The following CD55 variants were observed in gnomAD, a reference collection of about 807,000 sequenced individuals.
CD55 encodes complement decay-accelerating factor.
Under a neutral mutation model 45.8 loss-of-function variants are expected in CD55, and 41 were observed. The observed-to-expected ratio is 0.90, with a 90% CI of 0.70 to 1.16. The LOEUF is 1.16. CD55 is among the 50% of genes most tolerant of loss of function. The pLI, the probability that CD55 is intolerant of heterozygous loss-of-function variation, is 0.00. For synonymous variants in CD55, 181 were observed against 181.1 expected (o/e 1.00, Z 0.01); for missense variants, 416 against 469.8 (o/e 0.89, Z 1.06).
intron 9 of CD55, among the ~76,000 whole-genome samples, chr1:207,354,456 C>T (rs1470711532): frequency 1.3e-5 from 2 of 152,188 alleles, no homozygotes; most frequent in Non-Finnish European, 2.9e-5. Context: ...TTCAACACTG[C>T]AATACAGTTC....
rs1484285051 is a variant in CD55, at chr1:207,322,441, A to G, written c.160A>G (p.Ser54Gly). ...NAQPALEGRT[S>G]FPEDTVITYK... ...CCAGCCAGCTTTGGAAGGCCGTACA[A>G]GTTTTCCCGAGGATACTGTAATAAC... Residue 54 changes from serine (S) to glycine (G), a missense_variant, in exon 2 of 10, where the codon AGT becomes GGT. By Grantham distance (56) the Ser-to-Gly change is moderately conservative. Around this residue, in one of 3 missense-constraint regions of CD55, gnomAD observed 123 missense variants for 105.1 expected, o/e 1.17. Coordinates refer to ENST00000367064, the MANE Select transcript of CD55 (RefSeq NM_000574.5). The G allele has an allele frequency of 1.2e-6, 2 of 1,614,232 alleles. No homozygotes were observed. The highest frequency in any genetic ancestry group is 2.2e-5 in the South Asian group (2 of 91,092).
intron 7 of CD55, chr1:207,337,084 C>T: frequency 1.7e-6 from 1 of 605,914 alleles, no homozygotes; most frequent in Non-Finnish European, 2.9e-6. Context: ...CCACCAAATC[C>T]CCAGCAGCAG....
intron 4 of CD55, 107 bp downstream of exon 4, chr1:207,325,828 T>A: frequency 1.6e-6 from 1 of 607,930 alleles, no homozygotes; most frequent in Non-Finnish European, 2.9e-6. Flanking sequence ...TAGTAGCAAT[T>A]AAAACAATCC....
At chr1:207,358,780 C>A (rs558365431) in intron 9 of CD55, among the ~76,000 whole-genome samples, 3 of 149,890 alleles carry the variant, frequency 2.0e-5, no homozygotes, top group Non-Finnish European at 4.4e-5. Flanking sequence ...TACATTGAAT[C>A]TCTCATTACT....
chr1:207,322,427 T>C lies in CD55; in HGVS notation c.146T>C (p.Leu49Ser), dbSNP rs1237129786. ...GATGTACCTAATGCCCAGCCAGCTT[T>C]GGAAGGCCGTACAAGTTTTCCCGAG... The part of the protein sequence containing the change: ...PPDVPNAQPA[L>S]EGRTSFPEDT... Residue 49 changes from leucine to serine, a missense_variant, in exon 2 of 10, where the codon TTG (leucine) becomes TCG (serine). Coordinates refer to ENST00000367064, the MANE Select transcript of CD55 (RefSeq NM_000574.5). 7 of 1,614,240 alleles carry C rather than the reference T, an allele frequency of 4.3e-6. No individual in the cohort carries two copies. Among genetic ancestry groups the C allele is most frequent in the Non-Finnish European group, 5.9e-6 (7 of 1,180,018 alleles).
At chr1:207,356,137 C>G (rs1480484280) in intron 9 of CD55, among the ~76,000 whole-genome samples, 1 of 152,116 alleles carries the variant, frequency 6.6e-6, no homozygotes, top group Admixed American at 6.6e-5. Flanking sequence ...TATCTTTTCC[C>G]CTTCAAGGAT....
chr1:207,342,451 C>T (rs1467447365), intron 9 of CD55, among the ~76,000 whole-genome samples: 1 of 152,020 alleles, frequency 6.6e-6, no homozygotes, highest in Non-Finnish European at 1.5e-5. Flanking sequence ...CATGTATGAC[C>T]TTTATGATGT....
chr1:207,338,580 T>G (rs535111868), intron 8 of CD55, among the ~76,000 whole-genome samples: 1 of 152,208 alleles, frequency 6.6e-6, no homozygotes, highest in South Asian at 2.1e-4. Flanking sequence ...GGGATCAAAT[T>G]TTACTCTTAG....
intron 5 of CD55, among the ~76,000 whole-genome samples, chr1:207,329,747 G>C (rs900166476): frequency 5.9e-5 from 9 of 152,036 alleles, no homozygotes; most frequent in African/African-American, 2.2e-4. Flanking sequence ...TTGTAGCTGG[G>C]ACTATAGGTG....
intron 9 of CD55, among the ~76,000 whole-genome samples, chr1:207,348,182 C>T (rs1436290998): frequency 1.3e-5 from 2 of 152,306 alleles, no homozygotes; most frequent in East Asian, 1.9e-4. Flanking sequence ...TACATTCCCA[C>T]CAGCAATGTA....
At chr1:207,340,380 T>A in intron 9 of CD55, 1 of 450,582 alleles carries the variant, frequency 2.2e-6, no homozygotes, top group South Asian at 4.5e-5. Flanking sequence ...TTTATTTTTT[T>A]TTTGAGACAG....
intron 5 of CD55, among the ~76,000 whole-genome samples, chr1:207,330,071 T>C (rs1397944970): frequency 6.6e-6 from 1 of 152,152 alleles, no homozygotes. Flanking sequence ...AGGAACTATA[T>C]CTTGTTCAGC....
intron 5 of CD55, among the ~76,000 whole-genome samples, chr1:207,329,397 C>T (rs1654839467): frequency 6.6e-6 from 1 of 152,150 alleles, no homozygotes; most frequent in East Asian, 1.9e-4. Flanking sequence ...ATGTTTCATC[C>T]ATATTTTACC....
chr1:207,341,503 A>AG (rs1327588822), intron 9 of CD55, among the ~76,000 whole-genome samples: 4 of 152,150 alleles, frequency 2.6e-5, no homozygotes, highest in African/African-American at 9.7e-5. Context: ...TATTTATTGA[A>AG]GAAGGTATCC....
chr1:207,336,747 A>C lies in CD55; in HGVS notation c.908A>C (p.Asn303Thr), dbSNP rs771945904. 7 of 1,613,926 alleles carry C rather than the reference A, an allele frequency of 4.3e-6. No individual in the cohort carries two copies. In the Admixed American group the frequency reaches 1.0e-4, roughly 23 times the overall value. ...PPTVQKPTTV[N>T]VPTTEVSPTS... is the part of the protein sequence containing the mutation. ...ACAGTTCAGAAACCTACCACAGTAA[A>C]TGTTCCAACTACAGAAGTCTCACCA... is the stretch of plus-strand genomic sequence containing the variant. Residue 303 changes from asparagine to threonine, a missense_variant, in exon 7 of 10, where the codon AAT becomes ACT. By Grantham distance (65) the Asn-to-Thr change is moderately conservative (BLOSUM62 0). Coordinates refer to ENST00000367064, the MANE Select transcript of CD55 (RefSeq NM_000574.5).
intron 2 of CD55, among the ~76,000 whole-genome samples, chr1:207,323,613 C>T (rs1055946817): frequency 2.6e-5 from 4 of 152,076 alleles, no homozygotes; most frequent in Non-Finnish European, 5.9e-5. Context: ...TAAAGAGACC[C>T]GATAACCTGA....
chr1:207,350,500 G>A (rs1414138165), intron 9 of CD55, among the ~76,000 whole-genome samples: 1 of 152,074 alleles, frequency 6.6e-6, no homozygotes, highest in Admixed American at 6.5e-5. Flanking sequence ...TTTCTGGTTG[G>A]TAGGTTTTTT....
intron 6 of CD55, among the ~76,000 whole-genome samples, chr1:207,333,497 C>G (rs1474098632): frequency 1.3e-5 from 2 of 152,146 alleles, no homozygotes; most frequent in African/African-American, 2.4e-5. Flanking sequence ...ATCATATCAT[C>G]CGGATGGTTT....
At chr1:207,342,465 TA>T (rs1356429059) in intron 9 of CD55, among the ~76,000 whole-genome samples, 4 of 152,196 alleles carry the variant, frequency 2.6e-5, no homozygotes, top group Non-Finnish European at 4.4e-5. Context: ...ATGATGTTAA[TA>T]TGCTTCTTCT....
Sources: allele counts gnomAD v4.1 joint callset (sites outside exome capture counted in the v4.1 genomes callset), GRCh38; gene constraint gnomAD v4.1.1; regional missense constraint gnomAD v4.1.1; transcripts MANE v1.5; gene names NCBI Gene and HGNC (gene_info 2026-07-23, HGNC 2026-07-21).